FSTL5: variants seen among roughly 807,000 people sequenced by gnomAD.
FSTL5 encodes the protein follistatin-related protein 5.
A neutral mutation model predicts 89.1 loss-of-function variants in FSTL5; 62 were observed. The observed-to-expected ratio is 0.70, with a 90% CI of 0.57 to 0.86. The LOEUF is 0.86. Among genes scored for constraint, FSTL5 ranks in the 40% least tolerant of loss-of-function variants. FSTL5 has a pLI of 0.00. For missense variants in FSTL5, 1,057 were observed against 1,001.6 expected (o/e 1.06, Z -0.75); for synonymous variants, 383 against 346.2 (o/e 1.11, Z -1.18).
At chr4:161,961,830 T>C (rs1735186898) in intron 3 of FSTL5, among the ~76,000 whole-genome samples, 1 of 151,714 alleles carries the variant, frequency 6.6e-6, no homozygotes, top group African/African-American at 2.4e-5. Flanking sequence ...TTGATTTGAA[T>C]TGTATCAATG....
intron 4 of FSTL5, among the ~76,000 whole-genome samples, chr4:161,867,870 A>G (rs1328940547): frequency 6.6e-6 from 1 of 151,970 alleles, no homozygotes; most frequent in Non-Finnish European, 1.5e-5. Context: ...AAAAAATTAT[A>G]GATGATTGAT....
intron 4 of FSTL5, among the ~76,000 whole-genome samples, chr4:161,902,832 G>C (rs903972413): frequency 6.6e-6 from 1 of 152,156 alleles, no homozygotes; most frequent in Non-Finnish European, 1.5e-5. Context: ...CTGGGCGACA[G>C]AGCAAGACTC....
At chr4:162,056,487 G>A (rs1209610812) in intron 2 of FSTL5, among the ~76,000 whole-genome samples, 1 of 151,206 alleles carries the variant, frequency 6.6e-6, no homozygotes, top group African/African-American at 2.5e-5. Context: ...TAGCAGCATT[G>A]TATGAACATT....
chr4:161,853,628 T>G (rs1731630529), intron 4 of FSTL5, among the ~76,000 whole-genome samples: 1 of 152,158 alleles, frequency 6.6e-6, no homozygotes, highest in Non-Finnish European at 1.5e-5. Flanking sequence ...TGTTGCTTTT[T>G]GTTTGGATAC....
At chr4:161,792,979 C>T (rs1386133545) in intron 4 of FSTL5, among the ~76,000 whole-genome samples, 1 of 152,228 alleles carries the variant, frequency 6.6e-6, no homozygotes, top group Non-Finnish European at 1.5e-5. Flanking sequence ...AGGGGCTCCC[C>T]AAGCCAGGGC....
chr4:162,064,454 G>A lies in FSTL5; in HGVS notation c.127-30796C>T, dbSNP rs112267222. ...GCAGATAGTTCTCTCTAACATAGACGGACCTCATCCAAATAATTGAAGACA... is the reference window on the plus strand; with the variant it reads ...GCAGATAGTTCTCTCTAACATAGACAGACCTCATCCAAATAATTGAAGACA... On this transcript the variant is annotated intron_variant, in intron 2 of 15. Coordinates refer to ENST00000306100, the MANE Select transcript of FSTL5 (RefSeq NM_020116.5). 5.1e-3 allele frequency among the ~76,000 whole-genome samples: 769 copies of A among 152,066 alleles called. 9 individuals carry two copies. The highest frequency in any genetic ancestry group is 0.017 in the African/African-American group (708 of 41,530).
intron 6 of FSTL5, among the ~76,000 whole-genome samples, chr4:161,689,156 G>A (rs115762317): frequency 0.016 from 2,486 of 152,206 alleles, 25 homozygotes; most frequent in South Asian, 0.043. Context: ...AAAAAGAAAC[G>A]TTTGCTTAAG....
At chr4:161,690,543 C>A (rs984717545) in intron 6 of FSTL5, among the ~76,000 whole-genome samples, 1 of 151,992 alleles carries the variant, frequency 6.6e-6, no homozygotes, top group Non-Finnish European at 1.5e-5. Context: ...TGCAAGAATT[C>A]TTTGTGTATT....
chr4:161,965,427 G>C (rs1339436287), intron 3 of FSTL5, among the ~76,000 whole-genome samples: 1 of 152,116 alleles, frequency 6.6e-6, no homozygotes, highest in African/African-American at 2.4e-5. Context: ...GAGAAAGGGT[G>C]ACAATTGATC....
chr4:162,054,141 G>A (rs1005220546), intron 2 of FSTL5, among the ~76,000 whole-genome samples: 3 of 150,772 alleles, frequency 2.0e-5, no homozygotes, highest in African/African-American at 7.4e-5. Flanking sequence ...AAGTATTCAG[G>A]ATGCATTTAT....
chr4:161,589,287 C>A (rs1485399871), intron 7 of FSTL5, among the ~76,000 whole-genome samples: 1 of 152,172 alleles, frequency 6.6e-6, no homozygotes, highest in Non-Finnish European at 1.5e-5. Flanking sequence ...GATTCTCCTG[C>A]CTCAGCCTCC....
intron 2 of FSTL5, among the ~76,000 whole-genome samples, chr4:162,090,910 GTCAA>G (rs1343090340): frequency 7.5e-6 from 1 of 134,218 alleles, no homozygotes; most frequent in Non-Finnish European, 1.5e-5. Flanking sequence ...AAGATTCCTT[GTCAA>G]TCATAGACTA....
intron 2 of FSTL5, among the ~76,000 whole-genome samples, chr4:162,075,556 T>C (rs28633957): frequency 0.028 from 4,301 of 151,942 alleles, 147 homozygotes; most frequent in East Asian, 0.085. Flanking sequence ...CACCAACAGC[T>C]TCCTGATGTT....
chr4:162,058,539 G>A (rs1738627172), intron 2 of FSTL5, among the ~76,000 whole-genome samples: 1 of 564 alleles, frequency 1.8e-3, no homozygotes, highest in Non-Finnish European at 0.05. Flanking sequence ...CAATTCTCCT[G>A]CTTCAGCCCT....
At chr4:161,433,587 G>C (rs1732455933) in intron 15 of FSTL5, among the ~76,000 whole-genome samples, 1 of 151,978 alleles carries the variant, frequency 6.6e-6, no homozygotes, top group South Asian at 2.1e-4. Flanking sequence ...AAGAAATAAA[G>C]GGCATTCAAA....
chr4:162,030,156 G>C (rs1193374358), intron 3 of FSTL5, among the ~76,000 whole-genome samples: 1 of 151,996 alleles, frequency 6.6e-6, no homozygotes, highest in Non-Finnish European at 1.5e-5. Context: ...CTGACCTCAA[G>C]TGATCCAACC....
intron 15 of FSTL5, among the ~76,000 whole-genome samples, chr4:161,416,551 A>G (rs1560884524): frequency 6.6e-6 from 1 of 152,172 alleles, no homozygotes; most frequent in Non-Finnish European, 1.5e-5. Context: ...AGTTTAAAAA[A>G]TACTCTGCAT....
At chr4:161,829,227 G>A (rs137922747) in intron 4 of FSTL5, among the ~76,000 whole-genome samples, 56 of 148,730 alleles carry the variant, frequency 3.8e-4, no homozygotes, top group African/African-American at 1.3e-3. Flanking sequence ...TCATCTGAGT[G>A]TATATTTAAA....
intron 6 of FSTL5, among the ~76,000 whole-genome samples, chr4:161,703,945 T>A (rs1407050287): frequency 6.6e-6 from 1 of 152,082 alleles, no homozygotes; most frequent in African/African-American, 2.4e-5. Flanking sequence ...ATCCAACATA[T>A]AATTTTTAAG....
Sources: gnomAD v4.1 joint callset for allele counts (sites outside exome capture counted in the v4.1 genomes callset) on GRCh38, gnomAD v4.1.1 for gene constraint, MANE v1.5 for transcripts, NCBI Gene and HGNC (gene_info 2026-07-23, HGNC 2026-07-21) for gene names.